Variants in LTV1 observed in about 807,000 individuals in gnomAD.
LTV1 encodes protein LTV1 homolog.
A neutral mutation model predicts 59.9 loss-of-function variants in LTV1; 39 were observed. That is an observed-to-expected ratio of 0.65 (90% CI 0.50 to 0.85). The LOEUF is 0.85. Ranked by LOEUF, LTV1 falls within the 40% of genes least tolerant of loss-of-function variation. LTV1 has a pLI of 0.00. For synonymous variants in LTV1, 171 were observed against 189.5 expected (o/e 0.90, Z 0.80); for missense variants, 493 against 549.1 (o/e 0.90, Z 1.02).
chr6:143,858,136 A>G (rs552673702), intron 6 of LTV1, 129 bp downstream of exon 6: 3 of 837,874 alleles, frequency 3.6e-6, no homozygotes, highest in South Asian at 1.6e-5. Flanking sequence ...GTTTACAACT[A>G]TCCAGCTATA....
At chr6:143,847,214 A>G (rs1412644028) in intron 3 of LTV1, among the ~76,000 whole-genome samples, 1 of 152,198 alleles carries the variant, frequency 6.6e-6, no homozygotes, top group Non-Finnish European at 1.5e-5. Context: ...CTTTATTGGT[A>G]GTAGGGACTT....
At chr6:143,845,063 C>T (rs1776868795) in intron 2 of LTV1, among the ~76,000 whole-genome samples, 1 of 152,148 alleles carries the variant, frequency 6.6e-6, no homozygotes, top group Non-Finnish European at 1.5e-5. Flanking sequence ...TCAAACTGTG[C>T]TTTCTCTAAG....
intron 3 of LTV1, among the ~76,000 whole-genome samples, chr6:143,849,730 TC>T (rs1238397132): frequency 6.6e-6 from 1 of 152,200 alleles, no homozygotes; most frequent in Non-Finnish European, 1.5e-5. Flanking sequence ...AGAAATTTCT[TC>T]CTTCATGGTT....
chr6:143,860,602 GAA>G, intron 7 of LTV1, 49 bp downstream of exon 7: 1 of 1,507,870 alleles, frequency 6.6e-7, no homozygotes, highest in Non-Finnish European at 8.9e-7. Flanking sequence ...TTTTAAAAAA[GAA>G]AAAATTCCAA....
chr6:143,845,086 C>T (rs986852583), intron 2 of LTV1, among the ~76,000 whole-genome samples: 2 of 152,166 alleles, frequency 1.3e-5, no homozygotes, highest in African/African-American at 2.4e-5. Context: ...CCTGCCGTTT[C>T]ATAACCGCAA....
chr6:143,853,635 T>G (rs1229278500), intron 4 of LTV1, among the ~76,000 whole-genome samples: 1 of 152,248 alleles, frequency 6.6e-6, no homozygotes, highest in Non-Finnish European at 1.5e-5. Flanking sequence ...TATTTTGAGA[T>G]ATGTTCCATC....
At position 143,863,780 on chromosome 6, in the gene LTV1, ATAAAT is replaced by A. The variant is rs779070099; in HGVS notation, c.*258_*262del. 19 of 302,110 alleles carry A rather than the reference ATAAAT, an allele frequency of 6.3e-5. No individual in the cohort carries two copies. The highest frequency in any genetic ancestry group is 3.4e-4 in the East Asian group (6 of 17,900). The allele number at this position is 302,110 out of a possible 1,614,324, so 18.7% of individuals were successfully genotyped here. On this transcript the variant is annotated 3_prime_UTR_variant, in exon 11 of 11. Coordinates refer to ENST00000367576, the MANE Select transcript of LTV1 (RefSeq NM_032860.5). This position sits in a 1 kb window ranked among gnomAD's most constrained non-coding sequence, Gnocchi z 4.5. ...TGACTTCATGAATGTGAAATGTTTG[ATAAAT>A]TAAAGGAAAATATCTTCATAACGTG... is the stretch of plus-strand genomic sequence containing the variant.
At chr6:143,861,810 G>A (rs1327008276) in intron 7 of LTV1, among the ~76,000 whole-genome samples, 1 of 138,810 alleles carries the variant, frequency 7.2e-6, no homozygotes, top group African/African-American at 2.7e-5. Context: ...TGCAGAGACA[G>A]ATGAGTTATG....
At position 143,850,160 on chromosome 6, in the gene LTV1, G is replaced by A; in HGVS notation, c.339G>A (p.Val113=). The change falls in exon 4 of 11, where the codon GTG becomes GTA. Residue 113 remains valine (V), a synonymous_variant. Transcript: ENST00000367576. ...PSTGIKLPSS[V]FASEFEEDVG... ...CTGGAATTAAGTTGCCTTCATCAGT[G>A]TTTGCTTCAGAGTTTGAGGAAGATG... 1 of 1,613,846 alleles carries A rather than the reference G, an allele frequency of 6.2e-7. No individual in the cohort carries two copies. Among genetic ancestry groups the A allele is most frequent in the Non-Finnish European group, 8.5e-7 (1 of 1,179,892 alleles).
chr6:143,843,557 G>A (rs940352257), intron 1 of LTV1, 77 bp downstream of exon 1: 2 of 1,588,662 alleles, frequency 1.3e-6, no homozygotes, highest in Middle Eastern at 1.7e-4. Context: ...TAATACCTTG[G>A]CTACTGCGGC....
intron 2 of LTV1, among the ~76,000 whole-genome samples, chr6:143,845,517 A>C (rs1776876907): frequency 6.6e-6 from 1 of 152,120 alleles, no homozygotes; most frequent in Non-Finnish European, 1.5e-5. Context: ...CCGGTACTAC[A>C]GGCACACGCC....
Position 143,843,412 on chromosome 6 carries a change from C to G in LTV1, c.-66C>G. ...AAGCGGCCTTCAGCTGGACCTTGGT[C>G]TCCCCGCCGGACTTCGAGGGTGTCA... is the stretch of plus-strand genomic sequence containing the variant. On this transcript the variant is annotated 5_prime_UTR_variant, in exon 1 of 11. Coordinates refer to ENST00000367576, the MANE Select transcript of LTV1 (RefSeq NM_032860.5). 1.2e-6 allele frequency: 2 copies of G among 1,608,088 alleles called. No homozygotes were observed. Among genetic ancestry groups the G allele is most frequent in the Non-Finnish European group, 1.7e-6 (2 of 1,177,764 alleles).
Position 143,862,927 on chromosome 6 carries a change from G to C in LTV1, c.1116+31G>C. ...TCCTAGTGTGCTGAGCTATTTGAAG[G>C]ATGCAGTGCATAAAAAATAGAGTGC... is the stretch of plus-strand genomic sequence containing the variant. On this transcript the variant is annotated intron_variant, in intron 9 of 10. Coordinates refer to ENST00000367576, the MANE Select transcript of LTV1 (RefSeq NM_032860.5). This position sits in a 1 kb window ranked among gnomAD's most constrained non-coding sequence, Gnocchi z 4.2. The C allele has an allele frequency of 1.3e-6, 2 of 1,531,264 alleles. No individual in the cohort carries two copies. The highest frequency in any genetic ancestry group is 9.0e-7 in the Non-Finnish European group (1 of 1,105,000). 94.9% of individuals were successfully genotyped at this position (1,531,264 alleles called of 1,614,324 possible).
chr6:143,859,487 G>T (rs979500663), intron 6 of LTV1, among the ~76,000 whole-genome samples: 1 of 152,216 alleles, frequency 6.6e-6, no homozygotes, highest in Non-Finnish European at 1.5e-5. Context: ...GTCTTGGCAT[G>T]TAATAGAAGT....
chr6:143,849,755 G>GT (rs1331817438), intron 3 of LTV1, among the ~76,000 whole-genome samples: 3 of 152,200 alleles, frequency 2.0e-5, no homozygotes. Context: ...GAGGTCAGAA[G>GT]TTTGAGATGA....
rs1005181903 is a variant in LTV1 at position 143,854,257 on chromosome 6, C to T, written c.398-3046C>T. Among the ~76,000 whole-genome samples, 4 of 152,298 alleles carry T rather than the reference C, an allele frequency of 2.6e-5. No individual in the cohort carries two copies. In the East Asian group the frequency reaches 7.7e-4, roughly 29 times the overall value. ...TTCATAGAGGTGTTTATAGTATTCT[C>T]TGATGGTAATTTGTATTTCTGTGGG... On this transcript the variant is annotated intron_variant, in intron 4 of 10. Coordinates refer to ENST00000367576, the MANE Select transcript of LTV1 (RefSeq NM_032860.5).
At chr6:143,851,623 T>C (rs538831759) in intron 4 of LTV1, among the ~76,000 whole-genome samples, 2 of 152,174 alleles carry the variant, frequency 1.3e-5, no homozygotes, top group African/African-American at 4.8e-5. Flanking sequence ...ATATGCAGAA[T>C]GTGCAGGTTT....
At chr6:143,853,822 G>C (rs1777029424) in intron 4 of LTV1, among the ~76,000 whole-genome samples, 1 of 152,228 alleles carries the variant, frequency 6.6e-6, no homozygotes, top group African/African-American at 2.4e-5. Flanking sequence ...TGGTGAATAA[G>C]CTTTTTGATG....
Position 143,857,351 on chromosome 6 carries a change from A to C in LTV1, c.446A>C (p.Asp149Ala). 1.9e-6 allele frequency: 3 copies of C among 1,614,018 alleles called. No individual in the cohort carries two copies. Among genetic ancestry groups the C allele is most frequent in the Non-Finnish European group, 2.5e-6 (3 of 1,179,934 alleles). ...DPDIVAALDD[D>A]FDFDDPDNLL... ...GACATTGTTGCAGCTCTTGATGATG[A>C]TTTTGACTTTGATGATCCAGATAAT... The change falls in exon 5 of 11, where the codon GAT (aspartate) becomes GCT (alanine). Residue 149 changes from aspartate (D) to alanine (A), a missense_variant. Coordinates refer to ENST00000367576, the MANE Select transcript of LTV1 (RefSeq NM_032860.5). The surrounding 1 kb of genome is among the most constrained non-coding windows in gnomAD (Gnocchi z 5.2).
Sources: allele counts gnomAD v4.1 joint callset (sites outside exome capture counted in the v4.1 genomes callset), GRCh38; gene constraint gnomAD v4.1.1; non-coding constraint Gnocchi (gnomAD v3.1); transcripts MANE v1.5; gene names NCBI Gene and HGNC (gene_info 2026-07-23, HGNC 2026-07-21).